Variants in KIAA1328 observed in about 807,000 individuals in gnomAD.
KIAA1328 encodes the protein protein hinderin.
KIAA1328 carries 52 observed loss-of-function variants against 68.1 expected under a neutral mutation model. The ratio of observed to expected loss-of-function variants is 0.76; its 90% confidence interval spans 0.61 to 0.96. KIAA1328 has a LOEUF of 0.96. KIAA1328 is among the 40% of genes least tolerant of loss of function. KIAA1328 has a pLI of 0.00. For missense variants in KIAA1328, 641 were observed against 677.6 expected, an observed-to-expected ratio of 0.95 and a Z score of 0.60; for synonymous variants, 232 against 239.4, an observed-to-expected ratio of 0.97 and a Z score of 0.28.
At chr18:37,105,201 A>G (rs1386502238) in intron 7 of KIAA1328, among the ~76,000 whole-genome samples, 1 of 152,216 alleles carries the variant, frequency 6.6e-6, no homozygotes, top group Non-Finnish European at 1.5e-5. Flanking sequence ...GTTCAGAGAC[A>G]TTCAGTAAGA....
intron 5 of KIAA1328, among the ~76,000 whole-genome samples, chr18:36,905,392 G>A (rs972517914): frequency 2.6e-5 from 4 of 151,974 alleles, no homozygotes; most frequent in African/African-American, 4.8e-5. Flanking sequence ...GATTACAGGC[G>A]TGACCCACCA....
intron 6 of KIAA1328, among the ~76,000 whole-genome samples, chr18:37,029,245 G>A (rs2054722378): frequency 6.6e-6 from 1 of 151,830 alleles, no homozygotes; most frequent in Admixed American, 6.6e-5. Flanking sequence ...TTCAATCTTA[G>A]GAGGTTGTAT....
intron 9 of KIAA1328, among the ~76,000 whole-genome samples, chr18:37,202,344 T>G (rs1438577546): frequency 6.6e-6 from 1 of 152,212 alleles, no homozygotes; most frequent in East Asian, 1.9e-4. Context: ...TTGGTAATCT[T>G]TGTAAACCCA....
intron 8 of KIAA1328, 37 bp downstream of exon 8, chr18:37,160,418 G>A (rs748799412): frequency 6.5e-7 from 1 of 1,544,520 alleles, no homozygotes. Context: ...ATGAGAAACT[G>A]GTAGGGGAAG....
intron 6 of KIAA1328, among the ~76,000 whole-genome samples, chr18:36,990,665 C>T (rs965261169): frequency 1.3e-4 from 19 of 150,246 alleles, no homozygotes; most frequent in African/African-American, 3.7e-4. Flanking sequence ...AGCAAGACTC[C>T]GTCTAAATAT....
intron 7 of KIAA1328, among the ~76,000 whole-genome samples, chr18:37,078,770 C>T (rs1415708940): frequency 2.0e-5 from 3 of 150,908 alleles, no homozygotes; most frequent in Non-Finnish European, 2.9e-5. Flanking sequence ...CAAATCAAAA[C>T]CACAATGAGA....
At chr18:37,003,935 A>G (rs2053681916) in intron 6 of KIAA1328, among the ~76,000 whole-genome samples, 1 of 152,020 alleles carries the variant, frequency 6.6e-6, no homozygotes, top group African/African-American at 2.4e-5. Context: ...ATTCTGTTCC[A>G]TTGGTCTATG....
rs562650354 is a variant in KIAA1328, at chr18:37,209,430, C to T, written c.1524-12587C>T. ...GACCCTACCCTTATGGAGCCCATACCGTTGGGGCAATAGGCTATATATATA... is the reference window on the plus strand; with the variant it reads ...GACCCTACCCTTATGGAGCCCATACTGTTGGGGCAATAGGCTATATATATA... On this transcript the variant is annotated intron_variant, in intron 9 of 9. Transcript: ENST00000280020. Among the ~76,000 whole-genome samples, 11 of 151,944 alleles carry T rather than the reference C, an allele frequency of 7.2e-5. No individual in the cohort carries two copies. In the South Asian group the frequency reaches 2.3e-3, roughly 32 times the overall value.
At chr18:37,013,713 C>T (rs8099124) in intron 6 of KIAA1328, among the ~76,000 whole-genome samples, 20,716 of 152,174 alleles carry the variant, frequency 0.14, 1,754 homozygotes, top group Admixed American at 0.18. Flanking sequence ...CCATGGTATA[C>T]GTGTACCACA....
chr18:37,106,309 G>A (rs942806939), intron 7 of KIAA1328, among the ~76,000 whole-genome samples: 1 of 152,142 alleles, frequency 6.6e-6, no homozygotes, highest in Non-Finnish European at 1.5e-5. Flanking sequence ...ATTAGTGATT[G>A]CCTAGTGCTG....
At chr18:36,921,391 T>C (rs2049915986) in intron 5 of KIAA1328, among the ~76,000 whole-genome samples, 1 of 152,126 alleles carries the variant, frequency 6.6e-6, no homozygotes, top group African/African-American at 2.4e-5. Context: ...AGTTATACTT[T>C]TCTTTACTTA....
At chr18:36,830,109 G>C (rs1160519795) in intron 1 of KIAA1328, among the ~76,000 whole-genome samples, 3 of 152,210 alleles carry the variant, frequency 2.0e-5, no homozygotes, top group Non-Finnish European at 4.4e-5. Flanking sequence ...GGCATTAATT[G>C]AGGCGTTGCT....
chr18:36,908,544 G>A lies in KIAA1328; in HGVS notation c.448+22872G>A, dbSNP rs149963848. Among the ~76,000 whole-genome samples, 30 of 152,248 alleles carry A rather than the reference G, an allele frequency of 2.0e-4. No homozygotes were observed. In the East Asian group the frequency reaches 5.8e-3, roughly 29 times the overall value. ...TGTGTGTGGAAAGAAAGGTCTCACT[G>A]TGTTGCCCAGGCTGATTGAACTTTT... On this transcript the variant is annotated intron_variant, in intron 5 of 9. Coordinates refer to ENST00000280020, the MANE Select transcript of KIAA1328 (RefSeq NM_020776.3).
chr18:36,957,325 G>A (rs2051461343), intron 5 of KIAA1328, among the ~76,000 whole-genome samples: 1 of 152,118 alleles, frequency 6.6e-6, no homozygotes, highest in African/African-American at 2.4e-5. Context: ...TATACCAACA[G>A]CATACATAAG....
At chr18:36,875,766 C>T (rs2048100833) in intron 4 of KIAA1328, among the ~76,000 whole-genome samples, 1 of 152,186 alleles carries the variant, frequency 6.6e-6, no homozygotes, top group Non-Finnish European at 1.5e-5. Flanking sequence ...GGGAATGCTT[C>T]CAGCTTTTCC....
rs200954144 is a variant in KIAA1328, at chr18:37,173,061, A to G, written c.1503A>G (p.Ser501=). ...LKDFVTTASP[S]LQHTTSRYET... Reference sequence around the variant, plus strand: ...ATTTTGTCACCACAGCCTCACCATCATTACAGCACACCACCTCCCGGTAAG... The same window carrying G: ...ATTTTGTCACCACAGCCTCACCATCGTTACAGCACACCACCTCCCGGTAAG... Residue 501 remains serine (S), a synonymous_variant, in exon 9 of 10, where the codon TCA becomes TCG. Transcript: ENST00000280020. 117 of 1,612,584 alleles carry G rather than the reference A, an allele frequency of 7.3e-5. 1 individual carries two copies. Among genetic ancestry groups the G allele is most frequent in the Admixed American group, 3.5e-4 (21 of 59,994 alleles).
At chr18:37,167,705 T>C (rs964431038) in intron 8 of KIAA1328, among the ~76,000 whole-genome samples, 1 of 152,048 alleles carries the variant, frequency 6.6e-6, no homozygotes, top group African/African-American at 2.4e-5. Flanking sequence ...TGCTAGGGTC[T>C]CGGGGTTTTT....
chr18:36,915,830 A>G (rs2049674115), intron 5 of KIAA1328, among the ~76,000 whole-genome samples: 1 of 152,184 alleles, frequency 6.6e-6, no homozygotes, highest in Non-Finnish European at 1.5e-5. Context: ...ACTCCTAGGC[A>G]TTCATCCTAC....
At chr18:37,032,829 C>T (rs1202384695) in intron 6 of KIAA1328, among the ~76,000 whole-genome samples, 1 of 152,024 alleles carries the variant, frequency 6.6e-6, no homozygotes, top group Non-Finnish European at 1.5e-5. Context: ...TTATTAGAGA[C>T]AGGGTTTCTC....
Sources: allele counts gnomAD v4.1 joint callset (sites outside exome capture counted in the v4.1 genomes callset), GRCh38; gene constraint gnomAD v4.1.1; transcripts MANE v1.5; gene names NCBI Gene and HGNC (gene_info 2026-07-23, HGNC 2026-07-21).